ITGAE: variants seen among roughly 807,000 people sequenced by gnomAD.
The protein encoded by ITGAE is integrin subunit alpha E.
In ITGAE, 99 loss-of-function variants were observed where a neutral mutation model predicts 136.5. The observed-to-expected ratio is 0.73, with a 90% CI of 0.62 to 0.86. ITGAE has a LOEUF of 0.86. Ranked by LOEUF, ITGAE falls within the 40% of genes least tolerant of loss-of-function variation. The probability of loss-of-function intolerance (pLI) is 0.00; values close to 1 mark genes in which losing one functional copy is unlikely to be tolerated. For synonymous variants in ITGAE, 613 were observed against 591.8 expected, an observed-to-expected ratio of 1.04 and a Z score of -0.52; for missense variants, 1,447 against 1,515.3, an observed-to-expected ratio of 0.95 and a Z score of 0.75.
rs375628151 is a variant in ITGAE at position 3,764,278 on chromosome 17, G to A, written c.156-318C>T. Among the ~76,000 whole-genome samples, 6 of 152,324 alleles carry A rather than the reference G, an allele frequency of 3.9e-5. No homozygotes were observed. The East Asian group carries it at 9.6e-4, about 24-fold the overall frequency. ...ATGGGGAGGCCAGAAAACCACCAGC[G>A]TTGGGGTTGGTTCTGTTGGGGGCAG... is the stretch of plus-strand genomic sequence containing the variant. On this transcript the variant is annotated intron_variant, in intron 2 of 30. Coordinates refer to ENST00000263087, the MANE Select transcript of ITGAE (RefSeq NM_002208.5).
chr17:3,753,151 G>T, intron 14 of ITGAE, 139 bp downstream of exon 14: 1 of 871,854 alleles, frequency 1.1e-6, no homozygotes, highest in Non-Finnish European at 1.7e-6. Context: ...GCCCCGCCCA[G>T]CCGCCATCCA....
intron 2 of ITGAE, among the ~76,000 whole-genome samples, chr17:3,772,598 G>A (rs768219658): frequency 6.6e-6 from 1 of 151,998 alleles, no homozygotes; most frequent in Non-Finnish European, 1.5e-5. Context: ...CAAGCAGCTG[G>A]GACTACAGGT....
At position 3,760,243 on chromosome 17, in the gene ITGAE, G is replaced by T. The variant is rs370951821; in HGVS notation, c.643C>A (p.Pro215Thr). The change falls in exon 7 of 31, where the codon CCC becomes ACC. Residue 215 changes from proline to threonine, a missense_variant. Physicochemically the swap from Pro to Thr is conservative, Grantham distance 38 (BLOSUM62 -1). Around this residue, in one of 3 missense-constraint regions of ITGAE, gnomAD observed 310 missense variants for 416.1 expected, o/e 0.74. Coordinates refer to ENST00000263087, the MANE Select transcript of ITGAE (RefSeq NM_002208.5). The part of the protein sequence containing the change: ...IILDGSGSID[P>T]PDFQRAKDFI... ...TCTTTGGCTCTCTGAAAGTCTGGGG[G>T]ATCAATGCTTCCTGAGCCATCCAGG... 9 of 1,613,568 alleles carry T rather than the reference G, an allele frequency of 5.6e-6. No homozygotes were observed. The highest frequency in any genetic ancestry group is 1.3e-5 in the African/African-American group (1 of 74,812).
Position 3,753,424 on chromosome 17 carries a change from A to G in ITGAE, c.1534T>C (p.Ser512Pro). 6 of 1,613,200 alleles carry G rather than the reference A, an allele frequency of 3.7e-6. No individual in the cohort carries two copies. Among genetic ancestry groups the G allele is most frequent in the Non-Finnish European group, 5.1e-6 (6 of 1,179,458 alleles). Residue 512 changes from serine to proline, a missense_variant, in exon 14 of 31, where the codon TCC (serine) becomes CCC (proline). Physicochemically the swap from Ser to Pro is moderately conservative, Grantham distance 74 (BLOSUM62 -1). This residue lies in a region of ITGAE where 1,031 missense variants were observed against 1,011.4 expected (regional missense o/e 1.02). Transcript: ENST00000263087. The part of the protein sequence containing the change: ...LPVLEGEQMG[S>P]YFGSELCPVD... ...GGGCACAGCTCAGAGCCAAAATAGG[A>G]CCCCATCTACAGCCCGGGAGGAACT...
In ITGAE at chr17:3,772,230, C is replaced by T. The variant is rs115428900; in HGVS notation, c.155+5310G>A. Among the ~76,000 whole-genome samples, 362 of 152,264 alleles carry T rather than the reference C, an allele frequency of 2.4e-3. 4 individuals carry two copies. Among genetic ancestry groups the T allele is most frequent in the African/African-American group, 8.2e-3 (342 of 41,544 alleles). On this transcript the variant is annotated intron_variant, in intron 2 of 30. Transcript: ENST00000263087. The stretch of plus-strand genomic sequence containing the variant: ...TGCCTCGATGCGCCCCCCCGTACCT[C>T]GGACGTCCCCCAACAGAGCTGTTAT...
intron 1 of ITGAE, among the ~76,000 whole-genome samples, chr17:3,789,082 C>CA (rs888935652): frequency 2.6e-5 from 4 of 151,446 alleles, no homozygotes; most frequent in Admixed American, 6.6e-5. Flanking sequence ...TCCGTTTCTA[C>CA]AAAAAAATTA....
chr17:3,750,746 A>T (rs1325954355), intron 15 of ITGAE, among the ~76,000 whole-genome samples: 1 of 151,202 alleles, frequency 6.6e-6, no homozygotes, highest in Non-Finnish European at 1.5e-5. Flanking sequence ...AGAAGCAGCC[A>T]GGGCCAGGGA....
At chr17:3,763,331 TTCATTCAA>T (rs2052219753) in intron 3 of ITGAE, among the ~76,000 whole-genome samples, 1 of 152,024 alleles carries the variant, frequency 6.6e-6, no homozygotes, top group Admixed American at 6.6e-5. Flanking sequence ...CATTCATTCA[TTCATTCAA>T]ATGGCATTTA....
chr17:3,781,916 G>T (rs1275483427), intron 1 of ITGAE, among the ~76,000 whole-genome samples: 1 of 151,918 alleles, frequency 6.6e-6, no homozygotes, highest in Non-Finnish European at 1.5e-5. Context: ...TAGTCTCCTG[G>T]CCTCTTTCAA....
chr17:3,795,159 A>AC (rs2053034722), intron 1 of ITGAE, among the ~76,000 whole-genome samples: 1 of 151,848 alleles, frequency 6.6e-6, no homozygotes, highest in Non-Finnish European at 1.5e-5. Flanking sequence ...CTCTGACCAA[A>AC]CCCTGAGCCC....
At chr17:3,768,447 C>G (rs2052348889) in intron 2 of ITGAE, among the ~76,000 whole-genome samples, 1 of 152,176 alleles carries the variant, frequency 6.6e-6, no homozygotes. Context: ...CAGCACCTGG[C>G]CCACTCATGT....
In ITGAE at chr17:3,777,680, G is replaced by T; in HGVS notation, c.35-20C>A. On this transcript the variant is annotated intron_variant, in intron 1 of 30. Transcript: ENST00000263087. ...CCAGGCCTGTAGGGAAAAGAGGAGC[G>T]TTTAATGAAAGAGGCCTTTTACTCC... 1 of 1,593,144 alleles carries T rather than the reference G, an allele frequency of 6.3e-7. No individual in the cohort carries two copies. The highest frequency in any genetic ancestry group is 8.6e-7 in the Non-Finnish European group (1 of 1,169,530).
rs562259394 is a variant in ITGAE, at chr17:3,800,911, G to A, written c.34+200C>T. On this transcript the variant is annotated intron_variant, in intron 1 of 30. Coordinates refer to ENST00000263087, the MANE Select transcript of ITGAE (RefSeq NM_002208.5). ...CCCTGGCTGACAGAACTGGCAACACGAAGCCTCAGCCGCCCTTCCCAACAA... is the reference window on the plus strand; with the variant it reads ...CCCTGGCTGACAGAACTGGCAACACAAAGCCTCAGCCGCCCTTCCCAACAA... Among the ~76,000 whole-genome samples the A allele has an allele frequency of 7.9e-5, 12 of 152,306 alleles. No individual in the cohort carries two copies. In the South Asian group the frequency reaches 1.0e-3, roughly 13 times the overall value.
At chr17:3,747,861 A>C in intron 17 of ITGAE, 61 bp downstream of exon 17, 1 of 712,334 alleles carries the variant, frequency 1.4e-6, no homozygotes. Context: ...CCTGCCCCTT[A>C]CAGAAGCCAA....
At chr17:3,726,038 C>T (rs2051203430) in intron 26 of ITGAE, 1 of 1,614,172 alleles carries the variant, frequency 6.2e-7, no homozygotes, top group African/African-American at 1.3e-5. Context: ...TTGTGGTTTT[C>T]TGTGACGTTT....
chr17:3,796,069 GTTTGTGCATCCC>G (rs2053081926), intron 1 of ITGAE, among the ~76,000 whole-genome samples: 1 of 134,484 alleles, frequency 7.4e-6, no homozygotes, highest in Non-Finnish European at 1.6e-5. Flanking sequence ...GTGCATCCGT[GTTTGTGCATCCC>G]TGTGTATGCA....
Position 3,720,413 on chromosome 17 carries a change from G to A in ITGAE, c.3238-11C>T, listed in dbSNP as rs766901517. The A allele has an allele frequency of 8.0e-7, 1 of 1,249,966 alleles. No individual in the cohort carries two copies. The highest frequency in any genetic ancestry group is 2.3e-5 in the East Asian group (1 of 43,220). 77.4% of individuals were successfully genotyped at this position (1,249,966 alleles called of 1,614,324 possible). ...TACATCTTTTAGTAACTAGAAGATGGGGAAAGGAATGAGGGAAACAAAACA... is the reference window on the plus strand; with the variant it reads ...TACATCTTTTAGTAACTAGAAGATGAGGAAAGGAATGAGGGAAACAAAACA... On this transcript the variant is annotated splice_polypyrimidine_tract_variant and intron_variant, in intron 28 of 30. Coordinates refer to ENST00000263087, the MANE Select transcript of ITGAE (RefSeq NM_002208.5).
At position 3,799,752 on chromosome 17, in the gene ITGAE, A is replaced by C. The variant is rs1439679089; in HGVS notation, c.34+1359T>G. Among the ~76,000 whole-genome samples, 1 of 152,232 alleles carries C rather than the reference A, an allele frequency of 6.6e-6. No individual in the cohort carries two copies. The highest frequency in any genetic ancestry group is 1.9e-4 in the East Asian group (1 of 5,194). ...ACACCCCACATGTAACTAAAAACAG[A>C]GAAGTCTAAATTGTAAAATAAAAGG... On this transcript the variant is annotated intron_variant, in intron 1 of 30. Coordinates refer to ENST00000263087, the MANE Select transcript of ITGAE (RefSeq NM_002208.5). This position sits in a 1 kb window ranked among gnomAD's most constrained non-coding sequence, Gnocchi z 4.1.
intron 1 of ITGAE, among the ~76,000 whole-genome samples, chr17:3,789,993 T>C (rs1403277092): frequency 1.3e-5 from 2 of 152,194 alleles, no homozygotes; most frequent in African/African-American, 2.4e-5. Flanking sequence ...GAGAGTCTGA[T>C]AGACTAACTT....
Sources: allele counts gnomAD v4.1 joint callset (sites outside exome capture counted in the v4.1 genomes callset), GRCh38; gene constraint gnomAD v4.1.1; regional missense constraint gnomAD v4.1.1; non-coding constraint Gnocchi (gnomAD v3.1); transcripts MANE v1.5; gene names NCBI Gene and HGNC (gene_info 2026-07-23, HGNC 2026-07-21).